ATP2C1: variants seen among roughly 807,000 people sequenced by gnomAD.
ATP2C1 encodes the protein calcium-transporting ATPase type 2C member 1.
A neutral mutation model predicts 120.5 loss-of-function variants in ATP2C1; 31 were observed. The observed-to-expected ratio is 0.26, with a 90% CI of 0.19 to 0.35. ATP2C1 has a LOEUF of 0.35. Among genes scored for constraint, ATP2C1 ranks in the 10% least tolerant of loss-of-function variants. The pLI, the probability that ATP2C1 is intolerant of heterozygous loss-of-function variation, is 1.00. For synonymous variants in ATP2C1, 351 were observed against 358.7 expected (o/e 0.98, Z 0.24); for missense variants, 731 against 1,107.5 (o/e 0.66, Z 4.83).
At chr3:130,893,921 C>T (rs2069326923), upstream of ATP2C1, 2 of 985,636 alleles carry the variant, frequency 2.0e-6, no homozygotes, top group Non-Finnish European at 2.4e-6. Context: ...GCCTTCACTT[C>T]ACTTCCGCCT....
chr3:130,923,092 G>C (rs2059037812), intron 2 of ATP2C1, among the ~76,000 whole-genome samples: 1 of 152,114 alleles, frequency 6.6e-6, no homozygotes, highest in African/African-American at 2.4e-5. Flanking sequence ...GTTGCCGTCT[G>C]TCTCATTTCT....
Position 130,979,178 on chromosome 3 carries a change from T to C in ATP2C1, c.1571-71T>C, listed in dbSNP as rs79092362. ...AAGAAGTGTTACTGTCTCCAATTTC[T>C]ATCAACTAAATTCTGATGTTTTCAT... On this transcript the variant is annotated intron_variant, in intron 18 of 27. Coordinates refer to ENST00000510168, the MANE Select transcript of ATP2C1 (RefSeq NM_001378687.1). The C allele has an allele frequency of 2.6e-3, 3,750 of 1,467,314 alleles. 97 individuals are homozygous for C. The African/African-American group carries it at 0.046, about 18-fold the overall frequency. 90.9% of individuals were successfully genotyped at this position (1,467,314 alleles called of 1,614,324 possible). A position where few individuals can be genotyped will look rare whatever the true frequency, so the allele number is the denominator to read the frequency against.
chr3:130,929,979 G>T, intron 2 of ATP2C1: 1 of 288,592 alleles, frequency 3.5e-6, no homozygotes, highest in Non-Finnish European at 6.7e-6. Context: ...GTCTTTTCTG[G>T]GTAGATCAGC....
intron 1 of ATP2C1, among the ~76,000 whole-genome samples, chr3:130,870,455 T>C (rs2068395171): frequency 6.6e-6 from 1 of 152,150 alleles, no homozygotes; most frequent in Admixed American, 6.5e-5. Flanking sequence ...ACTAAAAACA[T>C]TTGTGATTCA....
At chr3:130,936,300 T>C (rs1345680005) in intron 5 of ATP2C1, among the ~76,000 whole-genome samples, 4 of 152,160 alleles carry the variant, frequency 2.6e-5, no homozygotes, top group Admixed American at 2.6e-4. Flanking sequence ...TGAACCAATA[T>C]TTCCCAGAAG....
intron 2 of ATP2C1, among the ~76,000 whole-genome samples, chr3:130,896,033 T>G (rs971784367): frequency 2.0e-5 from 3 of 152,206 alleles, no homozygotes; most frequent in Admixed American, 2.0e-4. Flanking sequence ...CTCTTTTAAG[T>G]TTATTGATTT....
At chr3:130,954,868 A>G in intron 9 of ATP2C1, 144 bp from the exon 10 acceptor site, 2 of 678,590 alleles carry the variant, frequency 2.9e-6, no homozygotes, top group Non-Finnish European at 5.4e-6. Context: ...TAAAAAAGTA[A>G]ATTTGCTGAG....
upstream of ATP2C1, among the ~76,000 whole-genome samples, chr3:130,891,261 TAA>T (rs1345610319): frequency 6.6e-6 from 1 of 152,214 alleles, no homozygotes; most frequent in Non-Finnish European, 1.5e-5. Context: ...TTTTAATTTT[TAA>T]ATCCCTAAAG....
intron 1 of ATP2C1, chr3:130,851,041 G>T: frequency 2.0e-6 from 1 of 504,040 alleles, no homozygotes; most frequent in South Asian, 8.1e-5. Context: ...GTACAGGTCA[G>T]ATCCTGCTTG....
At chr3:131,003,297 C>A, downstream of ATP2C1, 1 of 435,830 alleles carries the variant, frequency 2.3e-6, no homozygotes, top group Non-Finnish European at 3.0e-6. Context: ...AGTACAGATC[C>A]AGATTGCAAT....
chr3:130,872,578 T>C (rs2068469255), intron 1 of ATP2C1, among the ~76,000 whole-genome samples: 1 of 151,876 alleles, frequency 6.6e-6, no homozygotes, highest in South Asian at 2.1e-4. Flanking sequence ...TGAGGAGTAC[T>C]TTTCTTTTCT....
chr3:130,940,737 A>G (rs2059854570), intron 7 of ATP2C1, 46 bp downstream of exon 7: 6 of 1,401,936 alleles, frequency 4.3e-6, no homozygotes, highest in Non-Finnish European at 6.1e-6. Context: ...TTAAAAATAG[A>G]AGTTGAATGT....
intron 20 of ATP2C1, among the ~76,000 whole-genome samples, chr3:130,988,179 G>C (rs2062115896): frequency 6.6e-6 from 1 of 152,054 alleles, no homozygotes; most frequent in South Asian, 2.1e-4. Flanking sequence ...ATCTGTCCTA[G>C]AAGATTTGAG....
At chr3:130,857,840 T>C (rs908469821) in intron 1 of ATP2C1, among the ~76,000 whole-genome samples, 1 of 152,096 alleles carries the variant, frequency 6.6e-6, no homozygotes, top group Non-Finnish European at 1.5e-5. Flanking sequence ...AGTCACACGA[T>C]CACAAGGTGA....
At chr3:130,901,819 T>A (rs975791387) in intron 2 of ATP2C1, among the ~76,000 whole-genome samples, 1 of 152,090 alleles carries the variant, frequency 6.6e-6, no homozygotes, top group African/African-American at 2.4e-5. Flanking sequence ...ATGAAAATGC[T>A]GGCTTCTTCC....
intron 2 of ATP2C1, among the ~76,000 whole-genome samples, chr3:130,898,368 T>A (rs2107953521): frequency 6.6e-6 from 1 of 152,144 alleles, no homozygotes; most frequent in Non-Finnish European, 1.5e-5. Context: ...CAAGAAAAAA[T>A]TGCATTACTA....
intron 26 of ATP2C1, among the ~76,000 whole-genome samples, chr3:131,009,961 C>G (rs1455211789): frequency 6.6e-6 from 1 of 152,058 alleles, no homozygotes; most frequent in Non-Finnish European, 1.5e-5. Context: ...ACTTCCTGGT[C>G]TTGGTAGTGA....
At chr3:130,899,867 T>C (rs1231305310) in intron 2 of ATP2C1, among the ~76,000 whole-genome samples, 7 of 152,136 alleles carry the variant, frequency 4.6e-5, no homozygotes, top group African/African-American at 7.2e-5. Flanking sequence ...TTAATTCTGC[T>C]ATAGGTATTA....
chr3:130,892,240 A>G (rs60712597), upstream of ATP2C1, among the ~76,000 whole-genome samples: 692 of 152,344 alleles, frequency 4.5e-3, 4 homozygotes, highest in African/African-American at 0.015. Context: ...TCTATTTTGT[A>G]AATGCATATG....
Sources: gnomAD v4.1 joint callset for allele counts (sites outside exome capture counted in the v4.1 genomes callset) on GRCh38, gnomAD v4.1.1 for gene constraint, MANE v1.5 for transcripts, NCBI Gene and HGNC (gene_info 2026-07-23, HGNC 2026-07-21) for gene names.